Variants in MDFIC observed in about 807,000 individuals in gnomAD.
MDFIC encodes MyoD family inhibitor domain containing, also known as myoD family inhibitor domain-containing protein.
In MDFIC, 17 loss-of-function variants were observed where a neutral mutation model predicts 23.2. The ratio of observed to expected loss-of-function variants is 0.73; its 90% CI spans 0.50 to 1.10. MDFIC has a LOEUF of 1.10. Ranked by LOEUF, MDFIC falls within the 50% of genes least tolerant of loss-of-function variation. The pLI is 0.00. For synonymous variants in MDFIC, 120 were observed against 115.2 expected, an observed-to-expected ratio of 1.04 and a Z score of -0.27; for missense variants, 356 against 316.6, an observed-to-expected ratio of 1.12 and a Z score of -0.95.
chr7:114,930,777 T>TA (rs895260836), intron 2 of MDFIC, among the ~76,000 whole-genome samples: 8 of 151,972 alleles, frequency 5.3e-5, no homozygotes, highest in East Asian at 3.9e-4. Flanking sequence ...ATGGAACAGA[T>TA]AAAAAAAAAT....
At chr7:114,953,254 C>T (rs1244812171) in intron 3 of MDFIC, among the ~76,000 whole-genome samples, 3 of 151,854 alleles carry the variant, frequency 2.0e-5, no homozygotes, top group Non-Finnish European at 4.4e-5. Flanking sequence ...TTTTTGATTT[C>T]TAAATAAAAG....
chr7:114,986,262 C>T (rs76512639), intron 4 of MDFIC, among the ~76,000 whole-genome samples: 17,751 of 151,824 alleles, frequency 0.12, 1,451 homozygotes, highest in East Asian at 0.36. Flanking sequence ...TTTTAGGCTT[C>T]GCTTCTTTGT....
intron 4 of MDFIC, among the ~76,000 whole-genome samples, chr7:114,989,396 C>G (rs971454034): frequency 6.6e-6 from 1 of 152,026 alleles, no homozygotes; most frequent in Non-Finnish European, 1.5e-5. Flanking sequence ...GGCCAAAATT[C>G]AGGGCAGAAG....
At chr7:115,015,054 G>T (rs1166733368) in intron 4 of MDFIC, among the ~76,000 whole-genome samples, 2 of 152,132 alleles carry the variant, frequency 1.3e-5, no homozygotes, top group African/African-American at 4.8e-5. Context: ...GTAGGCAGAA[G>T]AACCGTTCTA....
In MDFIC at chr7:115,000,072, C is replaced by G. The variant is rs1325932526; in HGVS notation, c.494-15616C>G. Among the ~76,000 whole-genome samples, 4 of 152,080 alleles carry G rather than the reference C, an allele frequency of 2.6e-5. No homozygotes were observed. In the East Asian group the frequency reaches 5.8e-4, roughly 22 times the overall value. Reference sequence around the variant, plus strand: ...TATTCTACCTCAACTTTAATATTATCAACTATAGTCATAGGGCCACATAAC... The same window carrying G: ...TATTCTACCTCAACTTTAATATTATGAACTATAGTCATAGGGCCACATAAC... On this transcript the variant is annotated intron_variant, in intron 4 of 4. Coordinates refer to ENST00000393486, the MANE Select transcript of MDFIC (RefSeq NM_001166345.3).
At chr7:115,013,120 G>A (rs1000546218) in intron 4 of MDFIC, among the ~76,000 whole-genome samples, 11 of 152,140 alleles carry the variant, frequency 7.2e-5, no homozygotes, top group African/African-American at 1.4e-4. Flanking sequence ...ATGTTGAGCC[G>A]AAGATGCTAC....
chr7:114,946,200 C>G (rs898101969), intron 3 of MDFIC, among the ~76,000 whole-genome samples: 1 of 149,860 alleles, frequency 6.7e-6, no homozygotes, highest in South Asian at 2.1e-4. Context: ...TCAGTCTTTG[C>G]GGGGATTTCT....
At chr7:114,929,084 G>GATATATCTATCTATCTATCTATCT (rs1563134624) in intron 2 of MDFIC, among the ~76,000 whole-genome samples, 1 of 147,960 alleles carries the variant, frequency 6.8e-6, no homozygotes, top group African/African-American at 2.5e-5. Flanking sequence ...GATAAATATA[G>GATATATCTATCTATCTATCTATCT]ATCTATCTAT....
intron 3 of MDFIC, among the ~76,000 whole-genome samples, chr7:114,949,042 A>C (rs1401616115): frequency 1.3e-5 from 2 of 152,232 alleles, no homozygotes; most frequent in Admixed American, 1.3e-4. Flanking sequence ...GAATATTTTT[A>C]AAGTGCTTTG....
rs1039790543 is a variant in MDFIC at position 114,922,200 on chromosome 7, G to A, written c.-544G>A. The A allele has an allele frequency of 7.1e-6, 3 of 421,644 alleles. No individual in the cohort carries two copies. Among genetic ancestry groups the A allele is most frequent in the African/African-American group, 6.1e-5 (3 of 48,854 alleles). 26.1% of individuals were successfully genotyped at this position (421,644 alleles called of 1,614,324 possible). On this transcript the variant is annotated 5_prime_UTR_variant, in exon 1 of 5. Transcript: ENST00000393486. ...TGACCCAGACAGCGCAGGGCGCGAG[G>A]GATCGCGCGGCCGAGCCCGGGTCGC...
chr7:114,999,732 T>A (rs1271524297), intron 4 of MDFIC, among the ~76,000 whole-genome samples: 5 of 151,360 alleles, frequency 3.3e-5, no homozygotes, highest in Admixed American at 6.6e-5. Context: ...TTAGGAAGAT[T>A]CACTTATGAA....
rs1227789178 is a variant in MDFIC, at chr7:115,018,210, A to C, written c.*2275A>C. On this transcript the variant is annotated 3_prime_UTR_variant, in exon 5 of 5. Transcript: ENST00000393486. ...ACAATCTAAATATTTACATATACCC[A>C]AAATTAACTTATGCTCATATATTAG... 1 of 152,020 alleles carries C rather than the reference A, an allele frequency of 6.6e-6. No homozygotes were observed. Among genetic ancestry groups the C allele is most frequent in the Non-Finnish European group, 1.5e-5 (1 of 67,862 alleles). 9.4% of individuals were successfully genotyped at this position (152,020 alleles called of 1,614,324 possible). A position where few individuals can be genotyped will look rare whatever the true frequency, so the allele number is the denominator to read the frequency against.
chr7:114,986,466 C>T (rs1302488549), intron 4 of MDFIC, among the ~76,000 whole-genome samples: 1 of 152,086 alleles, frequency 6.6e-6, no homozygotes, highest in Admixed American at 6.6e-5. Context: ...AGTGATTTCC[C>T]CTCCTTCCTT....
intron 3 of MDFIC, among the ~76,000 whole-genome samples, 174 bp from the exon 4 acceptor site, chr7:114,979,332 A>C (rs144634839): frequency 6.6e-6 from 1 of 151,944 alleles, no homozygotes; most frequent in Non-Finnish European, 1.5e-5. Context: ...CATTTTAGTA[A>C]ATTATACTTT....
intron 3 of MDFIC, among the ~76,000 whole-genome samples, chr7:114,960,215 G>T (rs1276490417): frequency 6.6e-6 from 1 of 152,160 alleles, no homozygotes; most frequent in Non-Finnish European, 1.5e-5. Context: ...ATTTTGTTAA[G>T]TCTCAAAGTC....
At chr7:115,006,989 G>GAA in intron 4 of MDFIC, among the ~76,000 whole-genome samples, 1 of 152,028 alleles carries the variant, frequency 6.6e-6, no homozygotes, top group South Asian at 2.1e-4. Flanking sequence ...GGAAAAAATA[G>GAA]GTTATTATTT....
At chr7:114,941,336 T>C (rs566052852) in intron 2 of MDFIC, among the ~76,000 whole-genome samples, 37 of 152,308 alleles carry the variant, frequency 2.4e-4, no homozygotes, top group African/African-American at 8.7e-4. Context: ...CATTCTAATA[T>C]CCACACAATG....
intron 4 of MDFIC, among the ~76,000 whole-genome samples, chr7:115,013,321 G>T (rs543634275): frequency 6.8e-6 from 1 of 146,972 alleles, no homozygotes; most frequent in East Asian, 2.2e-4. Flanking sequence ...CAAAAATATT[G>T]TAACCGTCTA....
intron 2 of MDFIC, among the ~76,000 whole-genome samples, chr7:114,938,178 A>G: frequency 6.6e-6 from 1 of 151,880 alleles, no homozygotes; most frequent in East Asian, 1.9e-4. Context: ...CTGGTCTCGA[A>G]CTCCTGACCT....
Sources: allele counts gnomAD v4.1 joint callset (sites outside exome capture counted in the v4.1 genomes callset), GRCh38; gene constraint gnomAD v4.1.1; transcripts MANE v1.5; gene names NCBI Gene and HGNC (gene_info 2026-07-23, HGNC 2026-07-21).